KRT1: variants seen among roughly 807,000 people sequenced by gnomAD.
KRT1 encodes the protein keratin 1.
A neutral mutation model predicts 51.6 loss-of-function variants in KRT1; 28 were observed. That is an observed-to-expected ratio of 0.54 (90% CI 0.40 to 0.74). The LOEUF is 0.74. Ranked by LOEUF, KRT1 falls within the 30% of genes least tolerant of loss-of-function variation. The probability of loss-of-function intolerance (pLI) is 0.00; values close to 1 mark genes in which losing one functional copy is unlikely to be tolerated. For synonymous variants in KRT1, 301 were observed against 307.7 expected, an observed-to-expected ratio of 0.98 and a Z score of 0.23; for missense variants, 783 against 815.5, an observed-to-expected ratio of 0.96 and a Z score of 0.49.
At position 52,677,755 on chromosome 12, in the gene KRT1, C is replaced by A. The variant is rs370206485; in HGVS notation, c.868-10G>T. Reference sequence around the variant, plus strand: ...AAGCACCATCCACATCCTAGAGGAACAAGGGACATCATGAAGGCACATTCT... The same window carrying A: ...AAGCACCATCCACATCCTAGAGGAAAAAGGGACATCATGAAGGCACATTCT... On this transcript the variant is annotated splice_polypyrimidine_tract_variant and intron_variant, in intron 3 of 8. Transcript: ENST00000252244. 3 of 1,611,482 alleles carry A rather than the reference C, an allele frequency of 1.9e-6. No homozygotes were observed. Among genetic ancestry groups the A allele is most frequent in the Admixed American group, 1.7e-5 (1 of 59,990 alleles).
intron 5 of KRT1, 50 bp from the exon 6 acceptor site, chr12:52,677,234 C>T (rs374006571): frequency 2.2e-4 from 355 of 1,614,054 alleles, no homozygotes; most frequent in Non-Finnish European, 2.9e-4. Context: ...CTCAGCATGG[C>T]ACAGGCACAC....
At chr12:52,678,271 G>A in intron 2 of KRT1, 48 bp from the exon 3 acceptor site, 4 of 1,585,620 alleles carry the variant, frequency 2.5e-6, no homozygotes, top group Non-Finnish European at 2.6e-6. Context: ...GGTAAGACCT[G>A]AAGTCCAGCA....
At position 52,676,289 on chromosome 12, in the gene KRT1, C is replaced by G. The variant is rs1941501395; in HGVS notation, c.1461G>C (p.Glu487Asp). 1.9e-6 allele frequency: 3 copies of G among 1,614,016 alleles called. No individual in the cohort carries two copies. The African/African-American group carries it at 4.0e-5, about 22-fold the overall frequency. ...LEIATYRTLL[E>D]GEESRMSGEC... is the part of the protein sequence containing the mutation. ...CCCTTCCTCACCTGCTTTCTTCTCCCTCCAGGAGGGTCCTGTAGGTGGCAA... is the reference window on the plus strand; with the variant it reads ...CCCTTCCTCACCTGCTTTCTTCTCCGTCCAGGAGGGTCCTGTAGGTGGCAA... The change falls in exon 7 of 9, where the codon GAG becomes GAC. Residue 487 changes from glutamate to aspartate, a missense_variant. Transcript: ENST00000252244.
rs1941558016 is a variant in KRT1, at chr12:52,679,742, TGAGA to T, written c.591+12_591+15del. On this transcript the variant is annotated intron_variant, in intron 1 of 8. Coordinates refer to ENST00000252244, the MANE Select transcript of KRT1 (RefSeq NM_006121.4). ...ACCAGCGGCAGCCCTACCAGTGCAA[TGAGA>T]GAGAAACTCACCTTGTCAATGAAGG... is the stretch of plus-strand genomic sequence containing the variant. 1 of 1,610,952 alleles carries T rather than the reference TGAGA, an allele frequency of 6.2e-7. No individual in the cohort carries two copies. Among genetic ancestry groups the T allele is most frequent in the Non-Finnish European group, 8.5e-7 (1 of 1,177,106 alleles).
rs1941560418 is a variant in KRT1 at position 52,679,900 on chromosome 12, C to G, written c.449G>C (p.Gly150Ala). The G allele has an allele frequency of 1.2e-6, 2 of 1,613,886 alleles. No individual in the cohort carries two copies. Among genetic ancestry groups the G allele is most frequent in the South Asian group, 1.1e-5 (1 of 91,074 alleles). Reference protein sequence around the residue: ...GGGYGPVCPPGGIQEVTINQS... With the variant: ...GGGYGPVCPPAGIQEVTINQS... ...GTTGATAGTGACTTCTTGTATGCCA[C>G]CAGGAGGGCAGACAGGACCATAACC... Residue 150 changes from glycine to alanine, a missense_variant, in exon 1 of 9, where the codon GGT becomes GCT. Coordinates refer to ENST00000252244, the MANE Select transcript of KRT1 (RefSeq NM_006121.4).
chr12:52,676,193 A>T, intron 7 of KRT1, 82 bp downstream of exon 7: 1 of 1,148,840 alleles, frequency 8.7e-7, no homozygotes. Flanking sequence ...CTGCAATCAG[A>T]TGGCTGCATC....
At chr12:52,678,283 T>G in intron 2 of KRT1, 60 bp from the exon 3 acceptor site, 2 of 1,557,784 alleles carry the variant, frequency 1.3e-6, no homozygotes, top group Non-Finnish European at 1.8e-6. Flanking sequence ...AGTCCAGCAT[T>G]CTAAACTAAA....
intron 7 of KRT1, among the ~76,000 whole-genome samples, 177 bp from the exon 8 acceptor site, chr12:52,675,921 G>A (rs1329023703): frequency 6.6e-6 from 1 of 152,116 alleles, no homozygotes; most frequent in Non-Finnish European, 1.5e-5. Flanking sequence ...CTCAGCAAGA[G>A]TACAAACACG....
At position 52,676,466 on chromosome 12, in the gene KRT1, A is replaced by C. The variant is rs117108628; in HGVS notation, c.1284T>G (p.Asp428Glu). Residue 428 changes from aspartate (D) to glutamate (E), a missense_variant, in exon 7 of 9, where the codon GAT (aspartate) becomes GAG (glutamate). Transcript: ENST00000252244. ...QISNLQQSIS[D>E]AEQRGENALK... Reference sequence around the variant, plus strand: ...GGGCATTCTCGCCACGCTGCTCTGCATCACTGATGGACTGCTGCAAGTTGG... The same window carrying C: ...GGGCATTCTCGCCACGCTGCTCTGCCTCACTGATGGACTGCTGCAAGTTGG... 6.2e-7 allele frequency: 1 copy of C among 1,614,206 alleles called. No homozygotes were observed. The highest frequency in any genetic ancestry group is 8.5e-7 in the Non-Finnish European group (1 of 1,180,032).
rs1384569832 is a variant in KRT1, at chr12:52,678,206, T to C, written c.824A>G (p.Asn275Ser). 4 of 1,614,200 alleles carry C rather than the reference T, an allele frequency of 2.5e-6. No homozygotes were observed. Among genetic ancestry groups the C allele is most frequent in the Non-Finnish European group, 3.4e-6 (4 of 1,180,038 alleles). ...TTCATTCTCTGCATTTGTCCGCTTG[T>C]TGATTTCATCCTCATACCTGCAGGA... ...DYRNKYEDEI[N>S]KRTNAENEFV... Residue 275 changes from asparagine to serine, a missense_variant, in exon 3 of 9, where the codon AAC (asparagine) becomes AGC (serine). Transcript: ENST00000252244.
Position 52,678,612 on chromosome 12 carries a change from T to G in KRT1, c.736A>C (p.Lys246Gln). Residue 246 changes from lysine (K) to glutamine (Q), a missense_variant, in exon 2 of 9, where the codon AAG becomes CAG. Physicochemically the swap from Lys to Gln is moderately conservative, Grantham distance 53. Coordinates refer to ENST00000252244, the MANE Select transcript of KRT1 (RefSeq NM_006121.4). ...GAATCCAACCGAGATTGATCACTCT[T>G]CAGTTGGTCCACTCTCCTTCGGAGA... ...NNLRRRVDQLKSDQSRLDSEL... is the reference protein window; with the variant it reads ...NNLRRRVDQLQSDQSRLDSEL... 6.2e-7 allele frequency: 1 copy of G among 1,614,234 alleles called. No homozygotes were observed. Among genetic ancestry groups the G allele is most frequent in the Non-Finnish European group, 8.5e-7 (1 of 1,180,042 alleles).
intron 1 of KRT1, 23 bp from the exon 2 acceptor site, chr12:52,678,779 C>T (rs970719722): frequency 6.2e-6 from 10 of 1,603,430 alleles, no homozygotes; most frequent in African/African-American, 2.7e-5. Context: ...GACCCCTTTA[C>T]TCCTGATGCA....
Position 52,674,755 on chromosome 12 carries a change from T to C in KRT1, c.*438A>G. On this transcript the variant is annotated 3_prime_UTR_variant, in exon 9 of 9. Coordinates refer to ENST00000252244, the MANE Select transcript of KRT1 (RefSeq NM_006121.4). ...CATGGAGAATTTCAAATGCAGTTTA[T>C]TGCAGCAAAACAAGGAAATGGGGAG... 1 of 247,366 alleles carries C rather than the reference T, an allele frequency of 4.0e-6. No homozygotes were observed. The highest frequency in any genetic ancestry group is 5.0e-5 in the Admixed American group (1 of 19,926). 15.3% of individuals were successfully genotyped at this position (247,366 alleles called of 1,614,324 possible).
Position 52,680,257 on chromosome 12 carries a change from G to T in KRT1, c.92C>A (p.Thr31Asn). ...ACTGCGGCGTGTGGAGCTGCTGGTG[G>T]TCCTGCGCTGGTAGTTGATGATCCC... ...SAGIINYQRR[T>N]TSSSTRRSGG... The change falls in exon 1 of 9, where the codon ACC becomes AAC. Residue 31 changes from threonine to asparagine, a missense_variant. By Grantham distance (65) the Thr-to-Asn change is moderately conservative. Transcript: ENST00000252244. 6.2e-7 allele frequency: 1 copy of T among 1,613,758 alleles called. No homozygotes were observed. The highest frequency in any genetic ancestry group is 8.5e-7 in the Non-Finnish European group (1 of 1,179,896).
At chr12:52,676,921 A>G in intron 6 of KRT1, 138 bp downstream of exon 6, 1 of 1,177,052 alleles carries the variant, frequency 8.5e-7, no homozygotes, top group South Asian at 1.3e-5. Context: ...GGAAACTAGC[A>G]TAGTCACAAA....
At position 52,674,866 on chromosome 12, in the gene KRT1, C is replaced by T. The variant is rs1941477137; in HGVS notation, c.*327G>A. 5 of 494,326 alleles carry T rather than the reference C, an allele frequency of 1.0e-5. No individual in the cohort carries two copies. Among genetic ancestry groups the T allele is most frequent in the Non-Finnish European group, 1.5e-5 (4 of 272,476 alleles). 30.6% of individuals were successfully genotyped at this position (494,326 alleles called of 1,614,324 possible). A position where few individuals can be genotyped will look rare whatever the true frequency, so the allele number is the denominator to read the frequency against. ...AGCACAGAGATAAGATGCTAAGGAG[C>T]TGTCCACACCCTGGGTCTAACTGGT... On this transcript the variant is annotated 3_prime_UTR_variant, in exon 9 of 9. Coordinates refer to ENST00000252244, the MANE Select transcript of KRT1 (RefSeq NM_006121.4).
chr12:52,677,565 T>C (rs1941528906), intron 4 of KRT1, 85 bp from the exon 5 acceptor site: 27 of 1,604,720 alleles, frequency 1.7e-5, no homozygotes, highest in Non-Finnish European at 2.1e-5. Context: ...AAATAAAAGA[T>C]AAATATCTAT....
rs59044845 is a variant in KRT1, at chr12:52,679,813, C to T, written c.536G>A (p.Arg179Gln). ...IDPEIQKVKS[R>Q]EREQIKSLNN... is the part of the protein sequence containing the mutation. ...GAGTGACTTGATTTGCTCCCTTTCTCGAGACTTCACCTTTTGGATCTCAGG... is the reference window on the plus strand; with the variant it reads ...GAGTGACTTGATTTGCTCCCTTTCTTGAGACTTCACCTTTTGGATCTCAGG... Residue 179 changes from arginine to glutamine, a missense_variant, in exon 1 of 9, where the codon CGA becomes CAA. Coordinates refer to ENST00000252244, the MANE Select transcript of KRT1 (RefSeq NM_006121.4). 6.8e-6 allele frequency: 11 copies of T among 1,614,020 alleles called. No individual in the cohort carries two copies. The highest frequency in any genetic ancestry group is 1.3e-5 in the African/African-American group (1 of 74,890).
At chr12:52,676,247 G>T in intron 7 of KRT1, 28 bp downstream of exon 7, 1 of 1,566,238 alleles carries the variant, frequency 6.4e-7, no homozygotes, top group Non-Finnish European at 8.8e-7. Context: ...CATGAGAAGA[G>T]GTTCGACTCC....
Sources: allele counts gnomAD v4.1 joint callset (sites outside exome capture counted in the v4.1 genomes callset), GRCh38; gene constraint gnomAD v4.1.1; transcripts MANE v1.5; gene names NCBI Gene and HGNC (gene_info 2026-07-23, HGNC 2026-07-21).